Variants in ADGB observed in about 807,000 individuals in gnomAD.
ADGB encodes the protein androglobin.
ADGB carries 172 observed loss-of-function variants against 210.5 expected under a neutral mutation model. That is an observed-to-expected ratio of 0.82 (90% CI 0.72 to 0.93). The LOEUF (loss-of-function observed/expected upper bound fraction) is 0.93. Ranked by LOEUF, ADGB falls within the 40% of genes least tolerant of loss-of-function variation. The probability of loss-of-function intolerance (pLI) is 0.00; values close to 1 mark genes in which losing one functional copy is unlikely to be tolerated. For missense variants in ADGB, 2,025 were observed against 1,964.8 expected (o/e 1.03, Z -0.58); for synonymous variants, 658 against 662.7 (o/e 0.99, Z 0.11).
At position 146,764,250 on chromosome 6, in the gene ADGB, T is replaced by A. The variant is rs1777542828; in HGVS notation, c.3750+150T>A. ...GAATAAGAGAGTCTTGAACAGTTTC[T>A]CTGTGCCAAGATCTTTAAATACATC... On this transcript the variant is annotated intron_variant, in intron 28 of 35. Coordinates refer to ENST00000397944, the MANE Select transcript of ADGB (RefSeq NM_024694.4). 4.7e-6 allele frequency: 3 copies of A among 637,674 alleles called. No individual in the cohort carries two copies. In the East Asian group the frequency reaches 8.3e-5, roughly 18 times the overall value. 39.5% of individuals were successfully genotyped at this position (637,674 alleles called of 1,614,324 possible). A position where few individuals can be genotyped will look rare whatever the true frequency, so the allele number is the denominator to read the frequency against.
At chr6:146,794,839 T>C (rs1177874445) in intron 33 of ADGB, among the ~76,000 whole-genome samples, 5 of 152,232 alleles carry the variant, frequency 3.3e-5, no homozygotes, top group Non-Finnish European at 7.3e-5. Flanking sequence ...AGGGTCCATC[T>C]TATCGACTTG....
intron 19 of ADGB, among the ~76,000 whole-genome samples, chr6:146,727,525 G>A (rs974288369): frequency 2.6e-5 from 4 of 152,126 alleles, no homozygotes; most frequent in African/African-American, 9.7e-5. Flanking sequence ...TACATTGTCA[G>A]TTTGTTGTCT....
intron 33 of ADGB, among the ~76,000 whole-genome samples, chr6:146,791,002 A>C (rs941069166): frequency 2.6e-5 from 4 of 152,136 alleles, no homozygotes; most frequent in African/African-American, 9.7e-5. Context: ...TTTGAGTAAT[A>C]TCTATTCAGG....
At chr6:146,812,739 A>C (rs1292688494) in intron 35 of ADGB, among the ~76,000 whole-genome samples, 3 of 152,230 alleles carry the variant, frequency 2.0e-5, no homozygotes, top group African/African-American at 7.2e-5. Context: ...TTTGGATTGC[A>C]GATCTAAAGT....
chr6:146,606,340 T>C (rs1335757118), intron 1 of ADGB, among the ~76,000 whole-genome samples: 1 of 152,198 alleles, frequency 6.6e-6, no homozygotes, highest in Admixed American at 6.5e-5. Flanking sequence ...TTCAATTCTG[T>C]AGGGTGTTCA....
chr6:146,616,583 T>C (rs1165630683), intron 1 of ADGB, among the ~76,000 whole-genome samples: 1 of 152,168 alleles, frequency 6.6e-6, no homozygotes, highest in Non-Finnish European at 1.5e-5. Context: ...AAATGTTTAA[T>C]CCGTTTTGAC....
chr6:146,741,365 A>G (rs1376919054), intron 25 of ADGB, 94 bp downstream of exon 25: 2 of 1,170,714 alleles, frequency 1.7e-6, no homozygotes, highest in Non-Finnish European at 2.4e-6. Context: ...AGTTGTTTTT[A>G]ATCTACTTAA....
chr6:146,679,597 T>A (rs1776130218), intron 9 of ADGB, among the ~76,000 whole-genome samples: 1 of 152,220 alleles, frequency 6.6e-6, no homozygotes, highest in Admixed American at 6.5e-5. Context: ...GCACTGATTC[T>A]GCTCTCTTGG....
intron 1 of ADGB, among the ~76,000 whole-genome samples, chr6:146,635,172 G>A (rs1355262904): frequency 1.3e-5 from 2 of 151,966 alleles, no homozygotes; most frequent in African/African-American, 4.8e-5. Context: ...CTCCACTTTA[G>A]CTTATGAAAT....
chr6:146,684,301 A>G (rs1046132063), intron 9 of ADGB, among the ~76,000 whole-genome samples: 2 of 152,104 alleles, frequency 1.3e-5, no homozygotes, highest in African/African-American at 4.8e-5. Flanking sequence ...AATTTTATCC[A>G]TTTTAATATT....
intron 9 of ADGB, 31 bp downstream of exon 9, chr6:146,676,472 A>G: frequency 1.5e-6 from 2 of 1,303,102 alleles, no homozygotes; most frequent in Non-Finnish European, 2.0e-6. Flanking sequence ...AATAATAACT[A>G]TTTTAGTTGT....
chr6:146,719,654 C>T (rs1452472797), intron 16 of ADGB, among the ~76,000 whole-genome samples: 1 of 152,130 alleles, frequency 6.6e-6, no homozygotes, highest in African/African-American at 2.4e-5. Flanking sequence ...GAGGTTAGAG[C>T]AGGGTCATTT....
chr6:146,723,074 C>T (rs966024475), intron 17 of ADGB, among the ~76,000 whole-genome samples: 3 of 151,992 alleles, frequency 2.0e-5, no homozygotes, highest in Admixed American at 6.5e-5. Context: ...ACTGAAATAT[C>T]GTCAATGTTT....
intron 29 of ADGB, among the ~76,000 whole-genome samples, chr6:146,769,567 A>AT (rs1777624265): frequency 6.6e-6 from 1 of 152,080 alleles, no homozygotes. Context: ...ACTCTGGTTT[A>AT]TTTTTTCAAA....
intron 10 of ADGB, among the ~76,000 whole-genome samples, chr6:146,688,083 A>G (rs910506538): frequency 1.6e-4 from 25 of 152,164 alleles, no homozygotes; most frequent in Admixed American, 3.9e-4. Flanking sequence ...GCTAAACAAT[A>G]TGCTATCTTC....
chr6:146,688,636 T>C (rs189409113), intron 10 of ADGB, among the ~76,000 whole-genome samples: 138 of 152,268 alleles, frequency 9.1e-4, no homozygotes, highest in African/African-American at 3.3e-3. Context: ...ATTAGCCCAG[T>C]GTCTGGAACA....
At chr6:146,691,431 TA>T (rs1776310276) in intron 11 of ADGB, 141 bp downstream of exon 11, 1 of 31,052 alleles carries the variant, frequency 3.2e-5, no homozygotes, top group African/African-American at 2.2e-4. Context: ...TATATATATA[TA>T]TATATATATA....
Position 146,733,141 on chromosome 6 carries a change from C to T in ADGB, c.2542C>T (p.Arg848Cys), listed in dbSNP as rs1054374155. ...TCAGGTTTTTCATCTTTCCTTATGG[C>T]GTTTAATGAAAAAAGTTCAAATAAC... is the stretch of plus-strand genomic sequence containing the variant. The part of the protein sequence containing the change: ...HFRVFHLSLW[R>C]LMKKVQITKP... The change falls in exon 21 of 36, where the codon CGT becomes TGT. Residue 848 changes from arginine (R) to cysteine (C), a missense_variant. Arg to Cys is a radical substitution (Grantham distance 180). Transcript: ENST00000397944. 1.2e-5 allele frequency: 18 copies of T among 1,526,406 alleles called. 1 individual carries two copies. In the Admixed American group the frequency reaches 2.3e-4, roughly 19 times the overall value. The allele number at this position is 1,526,406 out of a possible 1,614,324, so 94.6% of individuals were successfully genotyped here. A position where few individuals can be genotyped will look rare whatever the true frequency, so the allele number is the denominator to read the frequency against.
rs1041711412 is a variant in ADGB at position 146,752,593 on chromosome 6, T to C, written c.3429T>C (p.Asp1143=). The C allele has an allele frequency of 3.2e-5, 50 of 1,550,746 alleles. No individual in the cohort carries two copies. Among genetic ancestry groups the C allele is most frequent in the Non-Finnish European group, 4.1e-5 (47 of 1,146,458 alleles). ...TACAGGTACGCACATCCAAACCAGA[T>C]GCATTCATCAAGCTGCAGGTCCTAG... ...ATIQVRTSKP[D]AFIKLQVLEN... The change falls in exon 27 of 36, where the codon GAT becomes GAC. Residue 1143 remains aspartate, a synonymous_variant. Coordinates refer to ENST00000397944, the MANE Select transcript of ADGB (RefSeq NM_024694.4).
Sources: allele counts gnomAD v4.1 joint callset (sites outside exome capture counted in the v4.1 genomes callset), GRCh38; gene constraint gnomAD v4.1.1; transcripts MANE v1.5; gene names NCBI Gene and HGNC (gene_info 2026-07-23, HGNC 2026-07-21).